The following SLAIN2 variants were observed in gnomAD, a reference collection of about 807,000 sequenced individuals.
SLAIN2 encodes SLAIN motif-containing protein 2.
Under a neutral mutation model 56.6 loss-of-function variants are expected in SLAIN2, and 31 were observed. The ratio of observed to expected loss-of-function variants is 0.55; its 90% CI spans 0.41 to 0.74. The LOEUF (loss-of-function observed/expected upper bound fraction) is 0.74. SLAIN2 is among the 30% of genes least tolerant of loss of function. SLAIN2 has a pLI of 0.00. For synonymous variants in SLAIN2, 317 were observed against 284.9 expected (o/e 1.11, Z -1.13); for missense variants, 777 against 754.2 (o/e 1.03, Z -0.35).
At chr4:48,411,902 T>C (rs2029347) in intron 6 of SLAIN2, among the ~76,000 whole-genome samples, 35,144 of 152,092 alleles carry the variant, frequency 0.23, 4,888 homozygotes, top group Middle Eastern at 0.34. Flanking sequence ...TACCCACTTG[T>C]ATTTTGGGCC....
At chr4:48,364,972 T>A (rs1295657774) in intron 1 of SLAIN2, among the ~76,000 whole-genome samples, 1 of 152,080 alleles carries the variant, frequency 6.6e-6, no homozygotes, top group Non-Finnish European at 1.5e-5. Flanking sequence ...TTCTTGAGTT[T>A]TTAGAGTTTT....
chr4:48,401,292 C>T, intron 6 of SLAIN2, among the ~76,000 whole-genome samples: 1 of 152,038 alleles, frequency 6.6e-6, no homozygotes, highest in Non-Finnish European at 1.5e-5. Flanking sequence ...CTATCAGGTC[C>T]ACTTAATTCA....
At chr4:48,409,995 A>G (rs915829699) in intron 6 of SLAIN2, among the ~76,000 whole-genome samples, 1 of 152,180 alleles carries the variant, frequency 6.6e-6, no homozygotes, top group Non-Finnish European at 1.5e-5. Context: ...ATCATATGGT[A>G]GCTTTATGTT....
At chr4:48,384,524 A>T (rs1716052523) in intron 6 of SLAIN2, among the ~76,000 whole-genome samples, 1 of 152,190 alleles carries the variant, frequency 6.6e-6, no homozygotes, top group Non-Finnish European at 1.5e-5. Flanking sequence ...TTAAGAATTG[A>T]TCAGGACTTG....
intron 6 of SLAIN2, among the ~76,000 whole-genome samples, chr4:48,403,648 G>A (rs1716616062): frequency 6.6e-6 from 1 of 152,170 alleles, no homozygotes; most frequent in Admixed American, 6.5e-5. Context: ...TGCTACCACT[G>A]GCTGGCTGGA....
intron 6 of SLAIN2, among the ~76,000 whole-genome samples, chr4:48,412,750 A>G (rs1407952475): frequency 6.6e-6 from 1 of 152,212 alleles, no homozygotes; most frequent in Non-Finnish European, 1.5e-5. Context: ...TTGTATGCTT[A>G]CAAAATAATA....
intron 6 of SLAIN2, among the ~76,000 whole-genome samples, chr4:48,393,386 T>TTTGTGTGTGTGTGTG (rs376243251): frequency 2.9e-4 from 39 of 135,448 alleles, no homozygotes; most frequent in African/African-American, 1.1e-3. Flanking sequence ...CATGTCTGGC[T>TTTGTGTGTGTGTGTG]TGTGTGTGTG....
chr4:48,376,033 A>G (rs1352644084), intron 2 of SLAIN2, among the ~76,000 whole-genome samples: 2 of 152,052 alleles, frequency 1.3e-5, no homozygotes, highest in African/African-American at 4.8e-5. Context: ...ATGTTTGTTG[A>G]CTCTGCCTGT....
chr4:48,356,457 T>C (rs1026156576), intron 1 of SLAIN2, among the ~76,000 whole-genome samples: 18 of 152,072 alleles, frequency 1.2e-4, no homozygotes, highest in Admixed American at 2.0e-4. Flanking sequence ...TGAAAAGATA[T>C]GTACTAGTAG....
intron 1 of SLAIN2, among the ~76,000 whole-genome samples, chr4:48,344,384 A>G (rs1714806377): frequency 6.6e-6 from 1 of 152,120 alleles, no homozygotes; most frequent in Non-Finnish European, 1.5e-5. Context: ...TAGCTATTGC[A>G]CCTTCCTTTT....
In SLAIN2 at chr4:48,426,073, A is replaced by G. The variant is rs190253563; in HGVS notation, c.*3996A>G. The stretch of plus-strand genomic sequence containing the variant: ...AGGTAAAAAATGATAGTTGTCTGCA[A>G]TCCCATAATCCGGAAATATTGAAGT... On this transcript the variant is annotated 3_prime_UTR_variant, in exon 8 of 8. Coordinates refer to ENST00000264313, the MANE Select transcript of SLAIN2 (RefSeq NM_020846.2). 2 of 152,320 alleles carry G rather than the reference A, an allele frequency of 1.3e-5. No homozygotes were observed. Among genetic ancestry groups the G allele is most frequent in the Admixed American group, 6.5e-5 (1 of 15,302 alleles). The allele number at this position is 152,320 out of a possible 1,614,324, so 9.4% of individuals were successfully genotyped here. A position where few individuals can be genotyped will look rare whatever the true frequency, so the allele number is the denominator to read the frequency against.
At chr4:48,387,314 C>G (rs562336959) in intron 6 of SLAIN2, 1 of 152,196 alleles carries the variant, frequency 6.6e-6, no homozygotes, top group East Asian at 1.9e-4. Context: ...GGTAGAATTA[C>G]CATTTTGTAA....
intron 6 of SLAIN2, among the ~76,000 whole-genome samples, chr4:48,393,221 A>G (rs1292190475): frequency 6.6e-6 from 1 of 152,020 alleles, no homozygotes. Flanking sequence ...AAAAATACAA[A>G]AATTAATACA....
chr4:48,394,859 G>C (rs1198600697), intron 6 of SLAIN2, among the ~76,000 whole-genome samples: 1 of 152,146 alleles, frequency 6.6e-6, no homozygotes, highest in Non-Finnish European at 1.5e-5. Flanking sequence ...TTGCTTTTCT[G>C]AAAGGAGTAA....
chr4:48,344,168 C>G (rs1390381077), intron 1 of SLAIN2, among the ~76,000 whole-genome samples: 1 of 152,106 alleles, frequency 6.6e-6, no homozygotes, highest in African/African-American at 2.4e-5. Context: ...CTGCTTTGAT[C>G]CTGGCTTCAT....
chr4:48,368,525 A>G (rs371914891), intron 1 of SLAIN2, among the ~76,000 whole-genome samples: 1 of 152,156 alleles, frequency 6.6e-6, no homozygotes, highest in African/African-American at 2.4e-5. Context: ...TATTATTGTT[A>G]TTATTCATCT....
intron 1 of SLAIN2, among the ~76,000 whole-genome samples, chr4:48,350,151 G>A (rs1487904868): frequency 1.3e-5 from 2 of 152,134 alleles, no homozygotes; most frequent in Non-Finnish European, 2.9e-5. Context: ...TGGTTTTTAG[G>A]AATATCAGAT....
chr4:48,355,749 C>T, intron 1 of SLAIN2, among the ~76,000 whole-genome samples: 1 of 151,908 alleles, frequency 6.6e-6, no homozygotes, highest in East Asian at 1.9e-4. Flanking sequence ...ATTTAATATA[C>T]ACATTTTATA....
Position 48,378,011 on chromosome 4 carries a change from C to A in SLAIN2, c.654C>A (p.Thr218=). 2.5e-6 allele frequency: 4 copies of A among 1,613,954 alleles called. No homozygotes were observed. The highest frequency in any genetic ancestry group is 3.4e-6 in the Non-Finnish European group (4 of 1,179,888). The change falls in exon 3 of 8, where the codon ACC becomes ACA. Residue 218 remains threonine, a synonymous_variant. Coordinates refer to ENST00000264313, the MANE Select transcript of SLAIN2 (RefSeq NM_020846.2). ...GTGGCTTCAATTCTCCATCCTCAACCCCAGTGCGACCTCCTATAGTCAAAC... is the reference window on the plus strand; with the variant it reads ...GTGGCTTCAATTCTCCATCCTCAACACCAGTGCGACCTCCTATAGTCAAAC... ...YSSGFNSPSS[T]PVRPPIVKQL...
Sources: gnomAD v4.1 joint callset for allele counts (sites outside exome capture counted in the v4.1 genomes callset) on GRCh38, gnomAD v4.1.1 for gene constraint, MANE v1.5 for transcripts, NCBI Gene and HGNC (gene_info 2026-07-23, HGNC 2026-07-21) for gene names.